PIEZO2: variants seen among roughly 807,000 people sequenced by gnomAD.
The protein encoded by PIEZO2 is piezo type mechanosensitive ion channel component 2.
In PIEZO2, 172 loss-of-function variants were observed where a neutral mutation model predicts 337.3. The observed-to-expected ratio is 0.51, with a 90% CI of 0.45 to 0.58. PIEZO2 has a LOEUF of 0.58. Ranked by LOEUF, PIEZO2 falls within the 20% of genes least tolerant of loss-of-function variation. The pLI is 0.00. For missense variants in PIEZO2, 3,028 were observed against 3,391.3 expected, an observed-to-expected ratio of 0.89 and a Z score of 2.66; for synonymous variants, 1,251 against 1,228.5, an observed-to-expected ratio of 1.02 and a Z score of -0.38.
At chr18:10,787,494 C>G (rs1157284814) in intron 15 of PIEZO2, among the ~76,000 whole-genome samples, 1 of 152,094 alleles carries the variant, frequency 6.6e-6, no homozygotes, top group Non-Finnish European at 1.5e-5. Context: ...GCTATCTGGC[C>G]CATAGGGGGC....
intron 45 of PIEZO2, among the ~76,000 whole-genome samples, chr18:10,697,373 G>A (rs538141997): frequency 6.6e-6 from 1 of 152,266 alleles, no homozygotes; most frequent in East Asian, 1.9e-4. Flanking sequence ...TCCCCACCAT[G>A]CACTTCCATC....
rs565764030 is a variant in PIEZO2, at chr18:11,148,662, T to C, written c.-74A>G. 84 of 1,458,260 alleles carry C rather than the reference T, an allele frequency of 5.8e-5. No individual in the cohort carries two copies. In the East Asian group the frequency reaches 1.7e-3, roughly 30 times the overall value. The allele number at this position is 1,458,260 out of a possible 1,614,324, so 90.3% of individuals were successfully genotyped here. A position where few individuals can be genotyped will look rare whatever the true frequency, so the allele number is the denominator to read the frequency against. ...TAGGGGTGGTGGGACGCAAGGCCCA[T>C]GCCCGTCTATGGCCTCTCGCCGCCG... is the stretch of plus-strand genomic sequence containing the variant. On this transcript the variant is annotated 5_prime_UTR_variant, in exon 1 of 56. An upstream start codon of the reference 5' UTR is lost. Coordinates refer to ENST00000674853, the MANE Select transcript of PIEZO2 (RefSeq NM_001378183.1). This position sits in a 1 kb window ranked among gnomAD's most constrained non-coding sequence, Gnocchi z 5.2.
Position 11,111,570 on chromosome 18 carries a change from G to A in PIEZO2, c.64+36955C>T, listed in dbSNP as rs567761606. 3.3e-5 allele frequency among the ~76,000 whole-genome samples: 5 copies of A among 152,242 alleles called. No homozygotes were observed. Among genetic ancestry groups the A allele is most frequent in the African/African-American group, 7.2e-5 (3 of 41,554 alleles). The stretch of plus-strand genomic sequence containing the variant: ...ATTCTCTATACCACCTTCAGGGCCC[G>A]CCCTGCCTGGGACCCTGTAGGGACT... On this transcript the variant is annotated intron_variant, in intron 1 of 55. Coordinates refer to ENST00000674853, the MANE Select transcript of PIEZO2 (RefSeq NM_001378183.1). The surrounding 1 kb of genome is among the most constrained non-coding windows in gnomAD (Gnocchi z 6.2).
intron 1 of PIEZO2, among the ~76,000 whole-genome samples, chr18:11,118,786 G>A (rs954477927): frequency 5.9e-5 from 9 of 151,852 alleles, no homozygotes; most frequent in South Asian, 2.1e-4. Context: ...AGAGAGCGAC[G>A]TAAACCTCTG....
chr18:11,118,332 T>C (rs539532598), intron 1 of PIEZO2, among the ~76,000 whole-genome samples: 71 of 152,342 alleles, frequency 4.7e-4, no homozygotes, highest in South Asian at 1.2e-3. Flanking sequence ...GACTGGCCCT[T>C]CTTTCATACT....
chr18:10,680,443 T>C, intron 51 of PIEZO2, 72 bp from the exon 52 acceptor site: 2 of 1,350,390 alleles, frequency 1.5e-6, no homozygotes, highest in Non-Finnish European at 2.0e-6. Flanking sequence ...CAGTCACTCT[T>C]CCTTTTAACT....
chr18:10,841,537 A>G (rs1462906772), intron 7 of PIEZO2, among the ~76,000 whole-genome samples: 6 of 152,190 alleles, frequency 3.9e-5, no homozygotes, highest in Non-Finnish European at 7.3e-5. Context: ...CAGTGAGTTG[A>G]TTTATTCAAT....
chr18:10,920,839 G>C lies in PIEZO2; in HGVS notation c.287-9611C>G, dbSNP rs1384855822. Among the ~76,000 whole-genome samples the C allele has an allele frequency of 3.9e-5, 6 of 152,296 alleles. No individual in the cohort carries two copies. The East Asian group carries it at 5.8e-4, about 15-fold the overall frequency. On this transcript the variant is annotated intron_variant, in intron 3 of 55. Coordinates refer to ENST00000674853, the MANE Select transcript of PIEZO2 (RefSeq NM_001378183.1). ...GAGGCAAGGTGGGCAGAGCACCTGA[G>C]GTCAGGAGTTTGAGACCAGCTTGGC... is the stretch of plus-strand genomic sequence containing the variant.
In PIEZO2 at chr18:10,834,704, G is replaced by A. The variant is rs1055681762; in HGVS notation, c.917+20649C>T. Among the ~76,000 whole-genome samples, 4 of 152,146 alleles carry A rather than the reference G, an allele frequency of 2.6e-5. No homozygotes were observed. The highest frequency in any genetic ancestry group is 5.9e-5 in the Non-Finnish European group (4 of 68,016). ...ATCAGAGAGGAAGCCTGGCCTGTCT[G>A]AACTCCAAAGCCCTTCCCTTTCCAC... On this transcript the variant is annotated intron_variant, in intron 7 of 55. Transcript: ENST00000674853. This position sits in a 1 kb window ranked among gnomAD's most constrained non-coding sequence, Gnocchi z 4.5.
Position 10,726,695 on chromosome 18 carries a change from A to G in PIEZO2, c.5029+4712T>C, listed in dbSNP as rs368508878. On this transcript the variant is annotated intron_variant, in intron 36 of 55. Transcript: ENST00000674853. The surrounding 1 kb of genome is among the most constrained non-coding windows in gnomAD (Gnocchi z 5.9). Reference sequence around the variant, plus strand: ...CTGCCAAGTTAATTCAGCAAGGACCAGGTGTACCTGAACGGCATCCTGTGC... The same window carrying G: ...CTGCCAAGTTAATTCAGCAAGGACCGGGTGTACCTGAACGGCATCCTGTGC... 3.0e-5 allele frequency: 43 copies of G among 1,431,830 alleles called. No individual in the cohort carries two copies. The East Asian group carries it at 7.6e-4, about 25-fold the overall frequency. The allele number at this position is 1,431,830 out of a possible 1,614,324, so 88.7% of individuals were successfully genotyped here.
At position 10,948,283 on chromosome 18, in the gene PIEZO2, T is replaced by G. The variant is rs139221715; in HGVS notation, c.286+31252A>C. On this transcript the variant is annotated intron_variant, in intron 3 of 55. Coordinates refer to ENST00000674853, the MANE Select transcript of PIEZO2 (RefSeq NM_001378183.1). ...ACTATAATCATGTATGTGATTGAAC[T>G]ATCTTTATATTCTGACCAACAGCTC... Among the ~76,000 whole-genome samples the G allele has an allele frequency of 5.3e-5, 8 of 152,330 alleles. 1 individual carries two copies. In the South Asian group the frequency reaches 1.7e-3, roughly 32 times the overall value.
chr18:10,750,297 T>G lies in PIEZO2; in HGVS notation c.4168-110A>C. The G allele has an allele frequency of 1.3e-6, 1 of 753,430 alleles. No individual in the cohort carries two copies. Among genetic ancestry groups the G allele is most frequent in the South Asian group, 1.6e-5 (1 of 61,476 alleles). The allele number at this position is 753,430 out of a possible 1,614,324, so 46.7% of individuals were successfully genotyped here. On this transcript the variant is annotated intron_variant, in intron 28 of 55. Transcript: ENST00000674853. This position sits in a 1 kb window ranked among gnomAD's most constrained non-coding sequence, Gnocchi z 4.1. ...TTCACAAGGTCTCAGTGATAAGGATTCCAGGAGATGCCAATTGTACCTAAA... is the reference window on the plus strand; with the variant it reads ...TTCACAAGGTCTCAGTGATAAGGATGCCAGGAGATGCCAATTGTACCTAAA...
In PIEZO2 at chr18:10,773,505, T is replaced by C. The variant is rs779405614; in HGVS notation, c.2692A>G (p.Lys898Glu). 1 of 1,537,454 alleles carries C rather than the reference T, an allele frequency of 6.5e-7. No homozygotes were observed. Residue 898 changes from lysine (K) to glutamate (E), a missense_variant, in exon 20 of 56, where the codon AAA becomes GAA. Physicochemically the swap from Lys to Glu is moderately conservative, Grantham distance 56 (BLOSUM62 1). This residue lies in a region of PIEZO2 where 1,925 missense variants were observed against 2,051.9 expected (regional missense o/e 0.94). Coordinates refer to ENST00000674853, the MANE Select transcript of PIEZO2 (RefSeq NM_001378183.1). This position sits in a 1 kb window ranked among gnomAD's most constrained non-coding sequence, Gnocchi z 5.3. ...TTCCCAAGATCACCCTTCTGGGCTTTTTCAGAGTAGCCCTCAAGCTTCTCC... is the reference window on the plus strand; with the variant it reads ...TTCCCAAGATCACCCTTCTGGGCTTCTTCAGAGTAGCCCTCAAGCTTCTCC... ...GEEKLEGYSE[K>E]AQKGDLGKDS...
At chr18:10,731,376 A>AC (rs1467368317) in intron 36 of PIEZO2, 31 bp downstream of exon 36, 1 of 1,471,748 alleles carries the variant, frequency 6.8e-7, no homozygotes, top group African/African-American at 1.4e-5. Context: ...AACCTGCCAC[A>AC]CCCACCACAG....
chr18:10,725,242 G>C (rs2036485096), intron 36 of PIEZO2: 1 of 1,567,048 alleles, frequency 6.4e-7, no homozygotes, highest in East Asian at 2.2e-5. Context: ...ACACTTTGAG[G>C]CTGCCACCGG....
chr18:11,108,454 A>C (rs2146128522), intron 1 of PIEZO2, among the ~76,000 whole-genome samples: 1 of 100,744 alleles, frequency 9.9e-6, no homozygotes, highest in East Asian at 3.6e-4. Flanking sequence ...TCTCTACTAA[A>C]AATACAAAAA....
chr18:10,927,061 G>A (rs1343217022), intron 3 of PIEZO2, among the ~76,000 whole-genome samples: 1 of 152,156 alleles, frequency 6.6e-6, no homozygotes, highest in South Asian at 2.1e-4. Context: ...GGAGCCTTGC[G>A]TTTCTGACCT....
intron 7 of PIEZO2, among the ~76,000 whole-genome samples, chr18:10,849,685 A>T (rs2041481560): frequency 6.6e-6 from 1 of 152,228 alleles, no homozygotes; most frequent in African/African-American, 2.4e-5. Flanking sequence ...GCCTCATAAC[A>T]TTAATTCTTC....
chr18:10,960,556 CT>C (rs5823126), intron 3 of PIEZO2, among the ~76,000 whole-genome samples: 72,666 of 145,878 alleles, frequency 0.5, 17,762 homozygotes, highest in Middle Eastern at 0.52. Flanking sequence ...GCCACAAAGA[CT>C]TTTTTTTTTT....
Sources: allele counts gnomAD v4.1 joint callset (sites outside exome capture counted in the v4.1 genomes callset), GRCh38; gene constraint gnomAD v4.1.1; regional missense constraint gnomAD v4.1.1; non-coding constraint Gnocchi (gnomAD v3.1); transcripts MANE v1.5; gene names NCBI Gene and HGNC (gene_info 2026-07-23, HGNC 2026-07-21).